CPEB3: variants seen among roughly 807,000 people sequenced by gnomAD.
The protein encoded by CPEB3 is cytoplasmic polyadenylation element-binding protein 3.
A neutral mutation model predicts 67.2 loss-of-function variants in CPEB3; 20 were observed. The ratio of observed to expected loss-of-function variants is 0.30; its 90% CI spans 0.21 to 0.43. The LOEUF is 0.43. Ranked by LOEUF, CPEB3 falls within the 20% of genes least tolerant of loss-of-function variation. The pLI is 1.00. For synonymous variants in CPEB3, 376 were observed against 393.1 expected, an observed-to-expected ratio of 0.96 and a Z score of 0.51; for missense variants, 746 against 968.6, an observed-to-expected ratio of 0.77 and a Z score of 3.05.
At chr10:92,067,228 C>G (rs1188410255) in intron 9 of CPEB3, among the ~76,000 whole-genome samples, 1 of 152,098 alleles carries the variant, frequency 6.6e-6, no homozygotes, top group Non-Finnish European at 1.5e-5. Context: ...TGGCCAGGCG[C>G]AGTGGCACAC....
At chr10:92,054,923 C>CA (rs957284391) in intron 9 of CPEB3, among the ~76,000 whole-genome samples, 1 of 152,084 alleles carries the variant, frequency 6.6e-6, no homozygotes, top group Non-Finnish European at 1.5e-5. Flanking sequence ...TCCACAATGG[C>CA]AAAAAATCAG....
chr10:92,207,222 A>C (rs1564867566), intron 2 of CPEB3, among the ~76,000 whole-genome samples: 1 of 152,140 alleles, frequency 6.6e-6, no homozygotes, highest in Non-Finnish European at 1.5e-5. Context: ...GGCTCAAGCA[A>C]TCTGCCCCCA....
intron 4 of CPEB3, among the ~76,000 whole-genome samples, chr10:92,179,310 A>G (rs2134075645): frequency 6.6e-6 from 1 of 152,348 alleles, no homozygotes; most frequent in East Asian, 1.9e-4. Flanking sequence ...AAAAGTTTTT[A>G]AAAAGAAAAA....
chr10:92,136,011 T>C (rs764515370), intron 6 of CPEB3, among the ~76,000 whole-genome samples: 3 of 82,718 alleles, frequency 3.6e-5, no homozygotes, highest in South Asian at 4.1e-4. Context: ...GGGCCTGTCA[T>C]GGGGTGGGGG....
chr10:92,253,475 A>C (rs1452184175), intron 1 of CPEB3, among the ~76,000 whole-genome samples: 4 of 150,980 alleles, frequency 2.6e-5, no homozygotes, highest in Non-Finnish European at 5.9e-5. Flanking sequence ...AAAAAAAAAA[A>C]AAAAAAAAAG....
rs546421143 is a variant in CPEB3, at chr10:92,069,075, A to G, written c.1869+12245T>C. Among the ~76,000 whole-genome samples, 3 of 152,328 alleles carry G rather than the reference A, an allele frequency of 2.0e-5. No homozygotes were observed. In the South Asian group the frequency reaches 6.2e-4, roughly 32 times the overall value. Reference sequence around the variant, plus strand: ...AGTAGAAATAGTCTGAGAACAGGTCATCTCATCCTTACTTCTTTTGCTATT... The same window carrying G: ...AGTAGAAATAGTCTGAGAACAGGTCGTCTCATCCTTACTTCTTTTGCTATT... On this transcript the variant is annotated intron_variant, in intron 9 of 9. Coordinates refer to ENST00000265997, the MANE Select transcript of CPEB3 (RefSeq NM_014912.5).
At chr10:92,171,152 G>A (rs933586502) in intron 4 of CPEB3, among the ~76,000 whole-genome samples, 5 of 152,180 alleles carry the variant, frequency 3.3e-5, no homozygotes, top group African/African-American at 1.2e-4. Flanking sequence ...ACAGAAGAAA[G>A]TTATGACAAG....
chr10:92,141,732 A>T (rs1846433089), intron 6 of CPEB3, among the ~76,000 whole-genome samples: 1 of 150,968 alleles, frequency 6.6e-6, no homozygotes, highest in Non-Finnish European at 1.5e-5. Flanking sequence ...TACCAAAAAA[A>T]AAAAGGCCGG....
intron 3 of CPEB3, among the ~76,000 whole-genome samples, chr10:92,185,588 G>A (rs908356337): frequency 4.6e-5 from 7 of 152,032 alleles, no homozygotes; most frequent in East Asian, 1.9e-4. Context: ...AATTGATTAC[G>A]AAAGTCATCT....
At chr10:92,217,867 C>G (rs1207337520) in intron 2 of CPEB3, among the ~76,000 whole-genome samples, 1 of 152,182 alleles carries the variant, frequency 6.6e-6, no homozygotes, top group Non-Finnish European at 1.5e-5. Flanking sequence ...CCTGTAATTC[C>G]AGGACTTTGT....
intron 9 of CPEB3, among the ~76,000 whole-genome samples, chr10:92,078,455 G>A (rs1843016809): frequency 6.6e-6 from 1 of 152,186 alleles, no homozygotes. Context: ...TTACAGATGA[G>A]GACCTGAGGC....
chr10:92,181,141 C>A, intron 3 of CPEB3, 122 bp from the exon 4 acceptor site: 3 of 547,636 alleles, frequency 5.5e-6, no homozygotes, highest in Non-Finnish European at 9.5e-6. Flanking sequence ...TATCAAAGGC[C>A]AAAGCAGTTA....
At chr10:92,147,943 T>C (rs1206933091) in intron 4 of CPEB3, among the ~76,000 whole-genome samples, 1 of 152,162 alleles carries the variant, frequency 6.6e-6, no homozygotes, top group Non-Finnish European at 1.5e-5. Flanking sequence ...GAAATCATCC[T>C]TGACATCTCC....
At chr10:92,065,633 G>GA (rs1357278362) in intron 9 of CPEB3, among the ~76,000 whole-genome samples, 1 of 152,130 alleles carries the variant, frequency 6.6e-6, no homozygotes, top group Non-Finnish European at 1.5e-5. Flanking sequence ...TGAGGTCTGA[G>GA]AAAATCTAAG....
chr10:92,244,892 A>G (rs151086443), intron 1 of CPEB3, among the ~76,000 whole-genome samples: 1 of 152,304 alleles, frequency 6.6e-6, no homozygotes, highest in African/African-American at 2.4e-5. Context: ...TAGGCAGAAG[A>G]TATTTCTTGT....
chr10:92,073,422 G>A (rs904076905), intron 9 of CPEB3, among the ~76,000 whole-genome samples: 7 of 152,050 alleles, frequency 4.6e-5, no homozygotes, highest in African/African-American at 1.4e-4. Context: ...GGGAGGCCAA[G>A]GTGGGTGGAT....
rs930685926 is a variant in CPEB3 at position 92,098,762 on chromosome 10, CT to C, written c.1573-6819del. On this transcript the variant is annotated intron_variant, in intron 7 of 9. Transcript: ENST00000265997. Reference sequence around the variant, plus strand: ...TTACCAAACCAGTTTAACTATTTTTCTTTTTTTCTTTTTTTTTTTTTTTTTT... The same window carrying C: ...TTACCAAACCAGTTTAACTATTTTTCTTTTTTCTTTTTTTTTTTTTTTTTT... Among the ~76,000 whole-genome samples, 13 of 142,056 alleles carry C rather than the reference CT, an allele frequency of 9.2e-5. No homozygotes were observed. The South Asian group carries it at 1.8e-3, about 19-fold the overall frequency. 93.2% of individuals were successfully genotyped at this position (142,056 alleles called of 152,430 possible).
chr10:92,275,395 G>A (rs1215436258), intron 1 of CPEB3, among the ~76,000 whole-genome samples: 1 of 152,100 alleles, frequency 6.6e-6, no homozygotes, highest in Non-Finnish European at 1.5e-5. Context: ...TACATTCTGG[G>A]CAACTTTTCA....
intron 7 of CPEB3, among the ~76,000 whole-genome samples, chr10:92,100,415 C>T (rs1381776413): frequency 2.6e-5 from 4 of 151,740 alleles, no homozygotes; most frequent in African/African-American, 7.3e-5. Context: ...CTGAGATTAC[C>T]GGCATGCGCC....
Sources: allele counts gnomAD v4.1 joint callset (sites outside exome capture counted in the v4.1 genomes callset), GRCh38; gene constraint gnomAD v4.1.1; transcripts MANE v1.5; gene names NCBI Gene and HGNC (gene_info 2026-07-23, HGNC 2026-07-21).